Variants in MICAL3 observed in about 807,000 individuals in gnomAD.
MICAL3 encodes [F-actin]-monooxygenase MICAL3.
MICAL3 carries 62 observed loss-of-function variants against 207.4 expected under a neutral mutation model. The observed-to-expected ratio is 0.30, with a 90% confidence interval of 0.24 to 0.37. The LOEUF is 0.37. Ranked by LOEUF, MICAL3 falls within the 10% of genes least tolerant of loss-of-function variation. The pLI is 1.00. For missense variants in MICAL3, 2,368 were observed against 2,635.6 expected (o/e 0.90, Z 2.22); for synonymous variants, 1,077 against 1,069.3 (o/e 1.01, Z -0.14).
Position 17,906,403 on chromosome 22 carries a change from A to G in MICAL3, c.264+146T>C. ...CCTCTTTGGCACCTGGATATGGTCG[A>G]TGGCTCTGGCACAGAACTTGCCATA... is the stretch of plus-strand genomic sequence containing the variant. On this transcript the variant is annotated intron_variant, in intron 2 of 31. Coordinates refer to ENST00000441493, the MANE Select transcript of MICAL3 (RefSeq NM_015241.3). 7.8e-6 allele frequency: 12 copies of G among 1,531,450 alleles called. 1 individual carries two copies. The South Asian group carries it at 1.2e-4, about 16-fold the overall frequency. 94.9% of individuals were successfully genotyped at this position (1,531,450 alleles called of 1,614,324 possible). A position where few individuals can be genotyped will look rare whatever the true frequency, so the allele number is the denominator to read the frequency against.
intron 12 of MICAL3, among the ~76,000 whole-genome samples, chr22:17,890,865 G>C (rs1930338013): frequency 1.3e-5 from 2 of 152,152 alleles, no homozygotes; most frequent in South Asian, 4.1e-4. Flanking sequence ...AGCTGACCTG[G>C]GGTCACCCTA....
chr22:18,004,929 TTTTG>T (rs1923283312), intron 1 of MICAL3: 7 of 130,400 alleles, frequency 5.4e-5, no homozygotes, highest in Admixed American at 1.6e-4. Context: ...TTTATTTTTA[TTTTG>T]TTTTTTTTTA....
At chr22:17,873,334 T>C (rs764758210) in intron 16 of MICAL3, among the ~76,000 whole-genome samples, 71 of 152,380 alleles carry the variant, frequency 4.7e-4, no homozygotes, top group African/African-American at 1.6e-3. Flanking sequence ...TGTTCACTCC[T>C]GCACAGGCCG....
intron 1 of MICAL3, among the ~76,000 whole-genome samples, chr22:17,923,912 C>T (rs1419747328): frequency 6.6e-6 from 1 of 152,214 alleles, no homozygotes; most frequent in Non-Finnish European, 1.5e-5. Context: ...TTAATTGACT[C>T]ACAGTTCAGC....
In MICAL3 at chr22:17,826,380, G is replaced by A. The variant is rs113500720; in HGVS notation, c.3193+1264C>T. 6,947 of 844,304 alleles carry A rather than the reference G, an allele frequency of 8.2e-3. 38 individuals are homozygous for A. The highest frequency in any genetic ancestry group is 9.2e-3 in the Non-Finnish European group (6,421 of 700,602). 52.3% of individuals were successfully genotyped at this position (844,304 alleles called of 1,614,324 possible). A position where few individuals can be genotyped will look rare whatever the true frequency, so the allele number is the denominator to read the frequency against. On this transcript the variant is annotated intron_variant, in intron 22 of 31. Transcript: ENST00000441493. ...CACTTGCAACAGGCCCAGGAGTCTAGTGTTAAGGTACCAGCAGAGCCGCCT... is the reference window on the plus strand; with the variant it reads ...CACTTGCAACAGGCCCAGGAGTCTAATGTTAAGGTACCAGCAGAGCCGCCT...
intron 1 of MICAL3, among the ~76,000 whole-genome samples, chr22:17,940,912 A>AT (rs1366659030): frequency 1.3e-5 from 2 of 152,180 alleles, no homozygotes; most frequent in African/African-American, 4.8e-5. Flanking sequence ...AACTCCTGTG[A>AT]TATCAGAGCC....
intron 16 of MICAL3, chr22:17,876,945 ATGGAG>A: frequency 1.6e-5 from 2 of 128,440 alleles, no homozygotes; most frequent in Non-Finnish European, 3.2e-5. Context: ...TAGGGAGGTT[ATGGAG>A]GTTATGGAGG....
intron 1 of MICAL3, among the ~76,000 whole-genome samples, chr22:17,959,862 T>G (rs1156807009): frequency 6.6e-6 from 1 of 151,850 alleles, no homozygotes; most frequent in Non-Finnish European, 1.5e-5. Flanking sequence ...AAAAATTAAC[T>G]GGATGGAAGA....
At chr22:17,928,363 C>T (rs567860105) in intron 1 of MICAL3, among the ~76,000 whole-genome samples, 3 of 151,660 alleles carry the variant, frequency 2.0e-5, no homozygotes, top group South Asian at 4.2e-4. Context: ...GGCGTGAACC[C>T]GGGAGGCGGA....
intron 19 of MICAL3, chr22:17,864,353 A>ATT (rs1926830124): frequency 1.6e-6 from 2 of 1,250,594 alleles, no homozygotes; most frequent in South Asian, 2.0e-5. Flanking sequence ...ACAGGAGAGC[A>ATT]GCCACAGCTC....
intron 15 of MICAL3, among the ~76,000 whole-genome samples, 134 bp downstream of exon 15, chr22:17,887,007 AAAAAAAAAAGAAAATAAAAAAAAGAAAAG>A (rs1479186252): frequency 6.7e-6 from 1 of 149,668 alleles, no homozygotes; most frequent in Non-Finnish European, 1.5e-5. Context: ...AAAAAAAAAA[AAAAAAAAAAGAAAATAAAAAAAAGAAAAG>A]AAAAAGCCCA....
At chr22:17,952,274 A>G (rs1051458124) in intron 1 of MICAL3, among the ~76,000 whole-genome samples, 1 of 151,754 alleles carries the variant, frequency 6.6e-6, no homozygotes, top group Non-Finnish European at 1.5e-5. Flanking sequence ...GGTGCCCCCA[A>G]CCTCCCCATC....
At chr22:18,021,969 C>T (rs534551225) in intron 1 of MICAL3, among the ~76,000 whole-genome samples, 11 of 152,264 alleles carry the variant, frequency 7.2e-5, no homozygotes, top group East Asian at 1.9e-4. Context: ...CAAATGAAAG[C>T]GAGGTCATTA....
In MICAL3 at chr22:17,902,977, G is replaced by A. The variant is rs183143399; in HGVS notation, c.473-230C>T. 1.3e-5 allele frequency among the ~76,000 whole-genome samples: 2 copies of A among 152,324 alleles called. No homozygotes were observed. Among genetic ancestry groups the A allele is most frequent in the East Asian group, 1.9e-4 (1 of 5,180 alleles). The stretch of plus-strand genomic sequence containing the variant: ...AGAGCAACACACAGGACACTCCCAC[G>A]TCTCGGGTTCAGTGTTTTAAACAAT... On this transcript the variant is annotated intron_variant, in intron 3 of 31. Coordinates refer to ENST00000441493, the MANE Select transcript of MICAL3 (RefSeq NM_015241.3). The surrounding 1 kb of genome is among the most constrained non-coding windows in gnomAD (Gnocchi z 4.5).
At chr22:17,886,151 G>C (rs538608966) in intron 15 of MICAL3, 100 bp from the exon 16 acceptor site, 401 of 1,294,038 alleles carry the variant, frequency 3.1e-4, no homozygotes, top group Non-Finnish European at 4.2e-4. Context: ...ATGGGGGCTG[G>C]TGGACTGGCT....
At chr22:17,895,618 GGAGA>G (rs1930760395) in intron 9 of MICAL3, among the ~76,000 whole-genome samples, 1 of 151,926 alleles carries the variant, frequency 6.6e-6, no homozygotes, top group Non-Finnish European at 1.5e-5. Context: ...TAAGAGCCGA[GGAGA>G]GAGAGCAGGC....
intron 17 of MICAL3, among the ~76,000 whole-genome samples, chr22:17,868,217 C>T (rs1927345066): frequency 6.6e-6 from 1 of 152,110 alleles, no homozygotes; most frequent in Admixed American, 6.5e-5. Flanking sequence ...CAGTACCCAC[C>T]TCATAGGTGG....
At chr22:17,883,948 G>A (rs1776698909) in intron 16 of MICAL3, among the ~76,000 whole-genome samples, 1 of 152,170 alleles carries the variant, frequency 6.6e-6, no homozygotes, top group South Asian at 2.1e-4. Flanking sequence ...CTAGAAAAAA[G>A]TCAACTTGAG....
intron 1 of MICAL3, among the ~76,000 whole-genome samples, chr22:17,946,816 G>A (rs758947074): frequency 2.3e-4 from 35 of 152,300 alleles, no homozygotes; most frequent in Middle Eastern, 6.8e-3. Flanking sequence ...TGGTGGGCAA[G>A]TTCCTACAAG....
Sources: allele counts gnomAD v4.1 joint callset (sites outside exome capture counted in the v4.1 genomes callset), GRCh38; gene constraint gnomAD v4.1.1; non-coding constraint Gnocchi (gnomAD v3.1); transcripts MANE v1.5; gene names NCBI Gene and HGNC (gene_info 2026-07-23, HGNC 2026-07-21).